C2orf74: variants seen among roughly 807,000 people sequenced by gnomAD.
The protein encoded by C2orf74 is uncharacterized protein C2orf74.
In C2orf74, 14 loss-of-function variants were observed where a neutral mutation model predicts 17.9. That is an observed-to-expected ratio of 0.78 (90% CI 0.52 to 1.22). The LOEUF is 1.22. C2orf74 is among the 50% of genes most tolerant of loss of function. C2orf74 has a pLI of 0.00. For synonymous variants in C2orf74, 79 were observed against 72.6 expected, an observed-to-expected ratio of 1.09 and a Z score of -0.44; for missense variants, 217 against 218.4, an observed-to-expected ratio of 0.99 and a Z score of 0.04.
chr2:61,159,773 T>A (rs1372263479), upstream of C2orf74, among the ~76,000 whole-genome samples: 2 of 152,236 alleles, frequency 1.3e-5, no homozygotes, highest in Non-Finnish European at 2.9e-5. Flanking sequence ...TACAGACAAA[T>A]TCCCTTTTCT....
intron 1 of C2orf74, among the ~76,000 whole-genome samples, chr2:61,149,574 C>CT (rs70959895): frequency 0.011 from 846 of 79,866 alleles, 8 homozygotes; most frequent in East Asian, 0.015. Context: ...GGGCGCCTTT[C>CT]TTTTTTTTTT....
chr2:61,159,838 A>G (rs1430406460), upstream of C2orf74, among the ~76,000 whole-genome samples: 1 of 152,250 alleles, frequency 6.6e-6, no homozygotes, highest in African/African-American at 2.4e-5. Context: ...CATAAAATTT[A>G]CCATTTTAAC....
At chr2:61,152,377 T>TA (rs1685254859) in intron 1 of C2orf74, among the ~76,000 whole-genome samples, 1 of 149,350 alleles carries the variant, frequency 6.7e-6, no homozygotes, top group African/African-American at 2.5e-5. Flanking sequence ...CCATTTCTAC[T>TA]AAAAATACAA....
chr2:61,161,650 C>T (rs1462018605), upstream of C2orf74: 4 of 152,140 alleles, frequency 2.6e-5, no homozygotes, highest in South Asian at 2.1e-4. Context: ...TTGTTGAAGA[C>T]TTGTGCATCA....
At chr2:61,160,240 G>A (rs979466786), upstream of C2orf74, among the ~76,000 whole-genome samples, 1 of 151,206 alleles carries the variant, frequency 6.6e-6, no homozygotes, top group Admixed American at 6.6e-5. Context: ...GGCTGACTGC[G>A]ACCTCCGCCT....
In C2orf74 at chr2:61,164,444, T is replaced by C; in HGVS notation, c.481T>C (p.Ser161Pro). Residue 161 changes from serine (S) to proline (P), a missense_variant, in exon 5 of 5, where the codon TCT becomes CCT. Physicochemically the swap from Ser to Pro is moderately conservative, Grantham distance 74. Coordinates refer to ENST00000432605, the MANE Select transcript of C2orf74 (RefSeq NM_001143959.4). ...AAGACCTTTAAAAGGAGTGACATTT[T>C]CTAGGGAGGTAATTGTTGTGGATCT... ...QKRPLKGVTF[S>P]REVIVVDLGN... The C allele has an allele frequency of 6.4e-7, 1 of 1,551,302 alleles. No individual in the cohort carries two copies. The highest frequency in any genetic ancestry group is 8.7e-7 in the Non-Finnish European group (1 of 1,146,840).
chr2:61,148,402 G>T (rs1211369537), intron 1 of C2orf74, among the ~76,000 whole-genome samples: 1 of 151,936 alleles, frequency 6.6e-6, no homozygotes, highest in Non-Finnish European at 1.5e-5. Flanking sequence ...GGCCAGGCTG[G>T]TCTCGAAATC....
At chr2:61,153,847 C>T (rs1029487324) in intron 1 of C2orf74, among the ~76,000 whole-genome samples, 2 of 150,930 alleles carry the variant, frequency 1.3e-5, no homozygotes, top group Non-Finnish European at 3.0e-5. Context: ...TGAGATCGTG[C>T]CACTACATTC....
At chr2:61,161,050 C>A (rs1685549545), upstream of C2orf74, among the ~76,000 whole-genome samples, 1 of 152,214 alleles carries the variant, frequency 6.6e-6, no homozygotes, top group Non-Finnish European at 1.5e-5. Flanking sequence ...GTTCCAATTT[C>A]TCCATATCCT....
At chr2:61,156,157 C>G (rs934333411) in intron 1 of C2orf74, among the ~76,000 whole-genome samples, 12 of 152,180 alleles carry the variant, frequency 7.9e-5, no homozygotes, top group African/African-American at 2.7e-4. Context: ...TATGATTGCA[C>G]TACTGCACTC....
chr2:61,163,298 C>T (rs1277027949), intron 4 of C2orf74, 66 bp downstream of exon 4: 4 of 1,475,348 alleles, frequency 2.7e-6, no homozygotes, highest in Non-Finnish European at 3.6e-6. Flanking sequence ...AGGTACATTC[C>T]TCAGCTAGGT....
At position 61,164,466 on chromosome 2, in the gene C2orf74, A is replaced by T. The variant is rs1460288200; in HGVS notation, c.503A>T (p.Asp168Val). The T allele has an allele frequency of 3.9e-6, 6 of 1,551,190 alleles. No individual in the cohort carries two copies. Among genetic ancestry groups the T allele is most frequent in the South Asian group, 2.4e-5 (2 of 83,956 alleles). The stretch of plus-strand genomic sequence containing the variant: ...TTTTCTAGGGAGGTAATTGTTGTGG[A>T]TCTTGGGAATGAATACCCTACACCT... ...VTFSREVIVVDLGNEYPTPRS... is the reference protein window; with the variant it reads ...VTFSREVIVVVLGNEYPTPRS... Residue 168 changes from aspartate to valine, a missense_variant, in exon 5 of 5, where the codon GAT becomes GTT. Coordinates refer to ENST00000432605, the MANE Select transcript of C2orf74 (RefSeq NM_001143959.4).
intron 1 of C2orf74, among the ~76,000 whole-genome samples, chr2:61,151,080 G>A (rs1417030128): frequency 6.6e-6 from 1 of 152,104 alleles, no homozygotes; most frequent in African/African-American, 2.4e-5. Context: ...CACTTTGGGA[G>A]GCCGAGGCGG....
At chr2:61,160,119 C>G (rs1177308), upstream of C2orf74, among the ~76,000 whole-genome samples, 66,398 of 151,770 alleles carry the variant, frequency 0.44, 14,758 homozygotes, top group Middle Eastern at 0.51. Context: ...AGCATAATGC[C>G]TTCAAAATTC....
At chr2:61,159,022 G>A (rs1213143725), upstream of C2orf74, among the ~76,000 whole-genome samples, 1 of 151,922 alleles carries the variant, frequency 6.6e-6, no homozygotes, top group Non-Finnish European at 1.5e-5. Flanking sequence ...TTTTGAGACG[G>A]GGTCTCACTC....
At chr2:61,157,962 C>A, upstream of C2orf74, 1 of 471,260 alleles carries the variant, frequency 2.1e-6, no homozygotes, top group Non-Finnish European at 4.4e-6. Flanking sequence ...ATCCTGTCAC[C>A]ACGAGTGGAC....
At chr2:61,154,068 G>A (rs1294149234) in intron 1 of C2orf74, among the ~76,000 whole-genome samples, 4 of 151,652 alleles carry the variant, frequency 2.6e-5, no homozygotes, top group Admixed American at 1.3e-4. Context: ...GTGAAATCCC[G>A]TCTCTACTAA....
At chr2:61,156,641 T>G (rs1469622563) in intron 1 of C2orf74, among the ~76,000 whole-genome samples, 1 of 152,142 alleles carries the variant, frequency 6.6e-6, no homozygotes, top group Non-Finnish European at 1.5e-5. Flanking sequence ...CCTAGCACTT[T>G]CAGAGGCCAA....
chr2:61,147,558 A>G (rs896787075), intron 1 of C2orf74, among the ~76,000 whole-genome samples: 4 of 152,034 alleles, frequency 2.6e-5, no homozygotes, highest in African/African-American at 9.7e-5. Flanking sequence ...ATATTACCTG[A>G]TTTTGTTTTC....
Sources: allele counts gnomAD v4.1 joint callset (sites outside exome capture counted in the v4.1 genomes callset), GRCh38; gene constraint gnomAD v4.1.1; transcripts MANE v1.5; gene names NCBI Gene and HGNC (gene_info 2026-07-23, HGNC 2026-07-21).